The following KCNH1 variants were observed in gnomAD, a reference collection of about 807,000 sequenced individuals.
KCNH1 encodes voltage-gated delayed rectifier potassium channel KCNH1.
KCNH1 carries 27 observed loss-of-function variants against 69.2 expected under a neutral mutation model. The observed-to-expected ratio is 0.39, with a 90% CI of 0.29 to 0.54. The LOEUF is 0.54. Among genes scored for constraint, KCNH1 ranks in the 20% least tolerant of loss-of-function variants. The pLI is 0.68. For missense variants in KCNH1, 798 were observed against 1,261.6 expected (o/e 0.63, Z 5.57); for synonymous variants, 456 against 487.7 (o/e 0.93, Z 0.86).
chr1:210,881,739 G>A lies in KCNH1; in HGVS notation c.1462+37901C>T, dbSNP rs1396052888. 2.6e-5 allele frequency among the ~76,000 whole-genome samples: 4 copies of A among 152,086 alleles called. No individual in the cohort carries two copies. In the East Asian group the frequency reaches 7.7e-4, roughly 29 times the overall value. ...TTATGAAGCCATGAAAAGACATAGA[G>A]GAAACTTAAATGTACATTGCTATGT... is the stretch of plus-strand genomic sequence containing the variant. On this transcript the variant is annotated intron_variant, in intron 7 of 10. Coordinates refer to ENST00000271751, the MANE Select transcript of KCNH1 (RefSeq NM_172362.3).
intron 6 of KCNH1, among the ~76,000 whole-genome samples, chr1:210,958,373 G>A (rs1055430160): frequency 4.6e-5 from 7 of 152,122 alleles, no homozygotes; most frequent in African/African-American, 1.7e-4. Context: ...TGGTGAATCT[G>A]ACAATTATGT....
At chr1:211,050,391 C>T (rs940245678) in intron 5 of KCNH1, among the ~76,000 whole-genome samples, 2 of 151,704 alleles carry the variant, frequency 1.3e-5, no homozygotes, top group Non-Finnish European at 2.9e-5. Context: ...TCTTAATTCC[C>T]GTCATAAACA....
chr1:210,944,146 A>T lies in KCNH1; in HGVS notation c.1033-24077T>A, dbSNP rs761121543. On this transcript the variant is annotated intron_variant, in intron 6 of 10. Coordinates refer to ENST00000271751, the MANE Select transcript of KCNH1 (RefSeq NM_172362.3). The stretch of plus-strand genomic sequence containing the variant: ...CTCGGGTCACTCTGCAGTTCCCCCA[A>T]CTCTTACCTGGATCATAGAACTATT... 2.6e-5 allele frequency among the ~76,000 whole-genome samples: 4 copies of T among 152,044 alleles called. No individual in the cohort carries two copies. In the East Asian group the frequency reaches 7.7e-4, roughly 29 times the overall value.
At chr1:210,856,488 A>G (rs1489953561) in intron 7 of KCNH1, among the ~76,000 whole-genome samples, 1 of 152,114 alleles carries the variant, frequency 6.6e-6, no homozygotes, top group African/African-American at 2.4e-5. Context: ...AAGATGAAAC[A>G]TTAAAGCTAA....
intron 6 of KCNH1, among the ~76,000 whole-genome samples, chr1:210,955,802 GC>G (rs1361848389): frequency 6.6e-6 from 1 of 152,148 alleles, no homozygotes; most frequent in East Asian, 1.9e-4. Flanking sequence ...GAGATTTTGG[GC>G]TGAGATGATG....
intron 6 of KCNH1, among the ~76,000 whole-genome samples, chr1:210,982,881 C>T (rs1276507989): frequency 6.6e-6 from 1 of 152,200 alleles, no homozygotes; most frequent in African/African-American, 2.4e-5. Context: ...CTTACAGTCC[C>T]ACCAAAAGTG....
At chr1:210,698,094 C>T (rs1681684419) in intron 10 of KCNH1, among the ~76,000 whole-genome samples, 1 of 152,178 alleles carries the variant, frequency 6.6e-6, no homozygotes, top group Admixed American at 6.5e-5. Flanking sequence ...CTGGTATGTT[C>T]ACTCCAGGAG....
chr1:211,040,583 C>T (rs901761751), intron 5 of KCNH1, among the ~76,000 whole-genome samples: 1 of 152,168 alleles, frequency 6.6e-6, no homozygotes, highest in African/African-American at 2.4e-5. Context: ...TCTTTTTCTT[C>T]CCAGTCTTGG....
chr1:210,802,860 C>A (rs1684457765), intron 8 of KCNH1, among the ~76,000 whole-genome samples: 1 of 151,988 alleles, frequency 6.6e-6, no homozygotes, highest in Non-Finnish European at 1.5e-5. Context: ...ATGCATGGCA[C>A]GTGTATACCT....
At position 210,788,685 on chromosome 1, in the gene KCNH1, C is replaced by CTTTTTTTT. The variant is rs139485350; in HGVS notation, c.1915+8815_1915+8822dup. On this transcript the variant is annotated intron_variant, in intron 9 of 10. Coordinates refer to ENST00000271751, the MANE Select transcript of KCNH1 (RefSeq NM_172362.3). ...AGATTATTCATATTATAGCTTCTTT[C>CTTTTTTTT]TTTTTTTTTTTTTTTTTTTTTTTTT... Among the ~76,000 whole-genome samples, 41 of 80,718 alleles carry CTTTTTTTT rather than the reference C, an allele frequency of 5.1e-4. 2 individuals carry two copies. The highest frequency in any genetic ancestry group is 1.3e-3 in the African/African-American group (26 of 20,194). The allele number at this position is 80,718 out of a possible 152,430, so 53.0% of individuals were successfully genotyped here. A position where few individuals can be genotyped will look rare whatever the true frequency, so the allele number is the denominator to read the frequency against.
chr1:210,777,896 G>A (rs1403748772), intron 9 of KCNH1, among the ~76,000 whole-genome samples: 1 of 152,218 alleles, frequency 6.6e-6, no homozygotes, highest in Non-Finnish European at 1.5e-5. Flanking sequence ...TGGAAGAAGC[G>A]ATGTTCTGGG....
At chr1:210,710,591 T>C (rs1454143600) in intron 10 of KCNH1, among the ~76,000 whole-genome samples, 1 of 152,206 alleles carries the variant, frequency 6.6e-6, no homozygotes, top group Admixed American at 6.5e-5. Context: ...ATGGAACCAC[T>C]ACCATTGATG....
chr1:210,722,836 T>C (rs1682503383), intron 10 of KCNH1, among the ~76,000 whole-genome samples: 1 of 152,150 alleles, frequency 6.6e-6, no homozygotes, highest in East Asian at 1.9e-4. Flanking sequence ...ATTCAATTTA[T>C]ATAATGGGTA....
At chr1:210,720,400 T>G (rs1312506092) in intron 10 of KCNH1, among the ~76,000 whole-genome samples, 1 of 152,216 alleles carries the variant, frequency 6.6e-6, no homozygotes, top group Non-Finnish European at 1.5e-5. Context: ...CAAAACTTTC[T>G]TATTTTATCT....
chr1:210,781,523 T>A (rs1408927012), intron 9 of KCNH1, among the ~76,000 whole-genome samples: 1 of 151,972 alleles, frequency 6.6e-6, no homozygotes, highest in Non-Finnish European at 1.5e-5. Context: ...GGAAGGGGCA[T>A]CCTCTCTCCT....
chr1:210,785,400 T>G (rs930731534), intron 9 of KCNH1, among the ~76,000 whole-genome samples: 2 of 150,768 alleles, frequency 1.3e-5, no homozygotes, highest in Non-Finnish European at 1.5e-5. Flanking sequence ...TTACTCTGTT[T>G]TTTTTTTTTT....
intron 10 of KCNH1, among the ~76,000 whole-genome samples, chr1:210,738,176 C>T (rs898488082): frequency 7.3e-5 from 11 of 150,494 alleles, no homozygotes; most frequent in Admixed American, 1.3e-4. Context: ...CTGCTATTTC[C>T]TCTGCCTGGA....
intron 6 of KCNH1, among the ~76,000 whole-genome samples, chr1:211,001,229 C>T (rs1434364663): frequency 6.6e-6 from 1 of 152,140 alleles, no homozygotes. Context: ...AACAGGCAAC[C>T]TACAGAGTGG....
intron 10 of KCNH1, among the ~76,000 whole-genome samples, chr1:210,686,176 G>A (rs1681404008): frequency 6.6e-6 from 1 of 152,212 alleles, no homozygotes; most frequent in African/African-American, 2.4e-5. Flanking sequence ...GAGGGCCAGA[G>A]AAACCCAACT....
Sources: gnomAD v4.1 joint callset for allele counts (sites outside exome capture counted in the v4.1 genomes callset) on GRCh38, gnomAD v4.1.1 for gene constraint, MANE v1.5 for transcripts, NCBI Gene and HGNC (gene_info 2026-07-23, HGNC 2026-07-21) for gene names.